RP9: variants seen among roughly 807,000 people sequenced by gnomAD.
RP9 encodes RP9 pre-mRNA splicing factor.
RP9 carries 23 observed loss-of-function variants against 32.6 expected under a neutral mutation model. The ratio of observed to expected loss-of-function variants is 0.71; its 90% confidence interval spans 0.51 to 1.00. RP9 has a LOEUF of 1.00. RP9 is among the 50% of genes least tolerant of loss of function. The pLI, the probability that RP9 is intolerant of heterozygous loss-of-function variation, is 0.00. For missense variants in RP9, 245 were observed against 285.3 expected (o/e 0.86, Z 1.02); for synonymous variants, 94 against 103.6 (o/e 0.91, Z 0.56).
At chr7:33,102,288 G>A (rs116591092) in intron 1 of RP9, among the ~76,000 whole-genome samples, 379 of 152,244 alleles carry the variant, frequency 2.5e-3, no homozygotes, top group African/African-American at 8.8e-3. Context: ...GTATGTTCAC[G>A]CACAGTTTAG....
intron 3 of RP9, 184 bp downstream of exon 3, chr7:33,099,123 C>T (rs1212008788): frequency 1.4e-6 from 1 of 692,062 alleles, no homozygotes; most frequent in African/African-American, 1.8e-5. Context: ...GATGACAGCC[C>T]TCTTTCTTCT....
chr7:33,100,766 G>A, intron 1 of RP9: 1 of 692,458 alleles, frequency 1.4e-6, no homozygotes, highest in Non-Finnish European at 2.7e-6. Flanking sequence ...TCTAAGACTG[G>A]CCAGGCCTTC....
chr7:33,109,108 T>C lies in RP9; in HGVS notation c.152+113A>G. The C allele has an allele frequency of 7.2e-7, 1 of 1,381,886 alleles. No individual in the cohort carries two copies. The highest frequency in any genetic ancestry group is 1.5e-5 in the South Asian group (1 of 66,774). 85.6% of individuals were successfully genotyped at this position (1,381,886 alleles called of 1,614,324 possible). A position where few individuals can be genotyped will look rare whatever the true frequency, so the allele number is the denominator to read the frequency against. Reference sequence around the variant, plus strand: ...AGGCTCCTGCCGGGCCCAGCCCCCCTGCCTGCTCGCGGGGGCTCGGAGGAC... The same window carrying C: ...AGGCTCCTGCCGGGCCCAGCCCCCCCGCCTGCTCGCGGGGGCTCGGAGGAC... On this transcript the variant is annotated intron_variant, in intron 1 of 5. Coordinates refer to ENST00000297157, the MANE Select transcript of RP9 (RefSeq NM_203288.2). This position sits in a 1 kb window ranked among gnomAD's most constrained non-coding sequence, Gnocchi z 4.9.
At chr7:33,096,023 G>T (rs557883046) in intron 5 of RP9, among the ~76,000 whole-genome samples, 5 of 152,166 alleles carry the variant, frequency 3.3e-5, no homozygotes, top group Admixed American at 3.3e-4. Flanking sequence ...TTGTAAAGAT[G>T]GGGTTTTGCT....
intron 5 of RP9, 86 bp downstream of exon 5, chr7:33,096,407 A>G: frequency 1.1e-6 from 1 of 924,708 alleles, no homozygotes; most frequent in Non-Finnish European, 1.8e-6. Context: ...TTACTGCACC[A>G]TTCCTCTAAC....
Position 33,099,291 on chromosome 7 carries a change from ACT to A in RP9, c.313+14_313+15del. The A allele has an allele frequency of 6.2e-7, 1 of 1,611,514 alleles. No individual in the cohort carries two copies. Among genetic ancestry groups the A allele is most frequent in the Non-Finnish European group, 8.5e-7 (1 of 1,179,764 alleles). ...CATGTAAGTTGCATGGATTAGGGAA[ACT>A]CTCCCACACTCACACTGCATAACTT... On this transcript the variant is annotated intron_variant, in intron 3 of 5. Transcript: ENST00000297157.
chr7:33,102,048 A>T (rs1788433617), intron 1 of RP9, among the ~76,000 whole-genome samples: 1 of 152,206 alleles, frequency 6.6e-6, no homozygotes, highest in Admixed American at 6.5e-5. Flanking sequence ...TCTCAAAAAA[A>T]AGTAACTGTT....
chr7:33,099,549 C>T (rs1584000969), intron 2 of RP9, 113 bp from the exon 3 acceptor site: 1 of 1,096,564 alleles, frequency 9.1e-7, no homozygotes, highest in Non-Finnish European at 1.4e-6. Context: ...CCAACATCAT[C>T]TTAGTTACCC....
intron 1 of RP9, among the ~76,000 whole-genome samples, chr7:33,108,394 C>A (rs570837058): frequency 6.6e-6 from 1 of 152,338 alleles, no homozygotes; most frequent in Non-Finnish European, 1.5e-5. Flanking sequence ...CCAAACATGC[C>A]ACCCTGGCAT....
At chr7:33,099,535 G>A (rs17472556) in intron 2 of RP9, 99 bp from the exon 3 acceptor site, 679,025 of 1,348,180 alleles carry the variant, frequency 0.5, 172,031 homozygotes, top group African/African-American at 0.57. Flanking sequence ...CTGGGCTTCC[G>A]GTGCCAACAT....
At chr7:33,098,019 A>T (rs1017173844) in intron 3 of RP9, among the ~76,000 whole-genome samples, 2 of 152,202 alleles carry the variant, frequency 1.3e-5, no homozygotes, top group Non-Finnish European at 2.9e-5. Flanking sequence ...TAGACACTAT[A>T]AAAGCTTCTT....
At chr7:33,095,519 T>C in intron 5 of RP9, 87 bp from the exon 6 acceptor site, 1 of 1,571,966 alleles carries the variant, frequency 6.4e-7, no homozygotes. Flanking sequence ...TCAAAAGCAG[T>C]ATAGGATGAT....
chr7:33,104,258 G>C (rs376185403), intron 1 of RP9, among the ~76,000 whole-genome samples: 2 of 152,084 alleles, frequency 1.3e-5, no homozygotes, highest in African/African-American at 2.4e-5. Flanking sequence ...AAGAAAAAAA[G>C]AGTCAACTGC....
intron 4 of RP9, among the ~76,000 whole-genome samples, 178 bp downstream of exon 4, chr7:33,097,093 G>C (rs761163055): frequency 6.6e-6 from 1 of 152,030 alleles, no homozygotes; most frequent in Non-Finnish European, 1.5e-5. Context: ...TTTTGTAAAA[G>C]AGCTAATTTG....
At chr7:33,101,668 T>C (rs1788426958) in intron 1 of RP9, among the ~76,000 whole-genome samples, 1 of 151,976 alleles carries the variant, frequency 6.6e-6, no homozygotes, top group Admixed American at 6.6e-5. Flanking sequence ...TGATGGACAA[T>C]GGATGAGAAA....
intron 1 of RP9, among the ~76,000 whole-genome samples, chr7:33,102,208 A>T (rs1788435474): frequency 6.6e-6 from 1 of 152,214 alleles, no homozygotes; most frequent in African/African-American, 2.4e-5. Context: ...ACAATTCATT[A>T]ATGTAGTATA....
rs1210551487 is a variant in RP9 at position 33,095,399 on chromosome 7, A to G, written c.501T>C (p.Ser167=). 4 of 1,613,944 alleles carry G rather than the reference A, an allele frequency of 2.5e-6. No homozygotes were observed. The highest frequency in any genetic ancestry group is 2.2e-5 in the South Asian group (2 of 91,074). Reference sequence around the variant, plus strand: ...AGCTGCTCCTATCTTCATCTGAGGTAGAATCCTCCAGTAACTGTTTTAACT... The same window carrying G: ...AGCTGCTCCTATCTTCATCTGAGGTGGAATCCTCCAGTAACTGTTTTAACT... ...IQQLKQLLED[S]TSDEDRSSSS... The change falls in exon 6 of 6, where the codon TCT becomes TCC. Residue 167 remains serine, a synonymous_variant. Coordinates refer to ENST00000297157, the MANE Select transcript of RP9 (RefSeq NM_203288.2).
chr7:33,104,819 G>C (rs898879640), intron 1 of RP9, among the ~76,000 whole-genome samples: 1 of 152,130 alleles, frequency 6.6e-6, no homozygotes, highest in Admixed American at 6.5e-5. Flanking sequence ...GGCTTCAAAT[G>C]ATTCTCCTGC....
At chr7:33,097,096 C>T (rs544789601) in intron 4 of RP9, among the ~76,000 whole-genome samples, 175 bp downstream of exon 4, 1 of 152,290 alleles carries the variant, frequency 6.6e-6, no homozygotes, top group South Asian at 2.1e-4. Context: ...TGTAAAAGAG[C>T]TAATTTGTCA....
Sources: gnomAD v4.1 joint callset for allele counts (sites outside exome capture counted in the v4.1 genomes callset) on GRCh38, gnomAD v4.1.1 for gene constraint, Gnocchi (gnomAD v3.1) non-coding constraint, MANE v1.5 for transcripts, NCBI Gene and HGNC (gene_info 2026-07-23, HGNC 2026-07-21) for gene names.